Variants in SPSB1 observed in about 807,000 individuals in gnomAD.
SPSB1 encodes the protein splA/ryanodine receptor domain and SOCS box containing 1.
SPSB1 carries 8 observed loss-of-function variants against 21.2 expected under a neutral mutation model. That is an observed-to-expected ratio of 0.38 (90% CI 0.22 to 0.68). The LOEUF is 0.68. Among genes scored for constraint, SPSB1 ranks in the 30% least tolerant of loss-of-function variants. The pLI is 0.53. For missense variants in SPSB1, 242 were observed against 377.8 expected, an observed-to-expected ratio of 0.64 and a Z score of 2.98; for synonymous variants, 169 against 161.7, an observed-to-expected ratio of 1.05 and a Z score of -0.34.
At chr1:9,341,765 C>CGAGA (rs1640094893) in intron 1 of SPSB1, among the ~76,000 whole-genome samples, 1 of 152,108 alleles carries the variant, frequency 6.6e-6, no homozygotes, top group Non-Finnish European at 1.5e-5. Context: ...TACAATAGCG[C>CGAGA]GATCTCGTCT....
In SPSB1 at chr1:9,345,425, G is replaced by A. The variant is rs115629115; in HGVS notation, c.-149-10318G>A. Among the ~76,000 whole-genome samples, 874 of 152,274 alleles carry A rather than the reference G, an allele frequency of 5.7e-3. 3 individuals are homozygous for A. Among genetic ancestry groups the A allele is most frequent in the African/African-American group, 9.2e-3 (384 of 41,552 alleles). On this transcript the variant is annotated intron_variant, in intron 1 of 2. Coordinates refer to ENST00000328089, the MANE Select transcript of SPSB1 (RefSeq NM_025106.4). The surrounding 1 kb of genome is among the most constrained non-coding windows in gnomAD (Gnocchi z 4.8). ...TTACCCGCCGAGGCTAGGCAGTGTC[G>A]GTGGTCCATAGTCCACGTTTTATTC...
At chr1:9,306,737 G>A (rs919464738) in intron 1 of SPSB1, among the ~76,000 whole-genome samples, 1 of 152,118 alleles carries the variant, frequency 6.6e-6, no homozygotes, top group Non-Finnish European at 1.5e-5. Context: ...CAGAGTGAAT[G>A]TCACTGTGGC....
At chr1:9,299,562 C>A (rs1416777246) in intron 1 of SPSB1, among the ~76,000 whole-genome samples, 1 of 151,250 alleles carries the variant, frequency 6.6e-6, no homozygotes. Context: ...TCACTGCAAC[C>A]TCCGCCTCCC....
Position 9,348,886 on chromosome 1 carries a change from G to T in SPSB1, c.-149-6857G>T, listed in dbSNP as rs368684339. The stretch of plus-strand genomic sequence containing the variant: ...GCTGCTCTGGAAACACTGGGTTGAG[G>T]GCTTTTGCCGTCAAAGGATGTAAGG... On this transcript the variant is annotated intron_variant, in intron 1 of 2. Coordinates refer to ENST00000328089, the MANE Select transcript of SPSB1 (RefSeq NM_025106.4). The surrounding 1 kb of genome is among the most constrained non-coding windows in gnomAD (Gnocchi z 4.8). Among the ~76,000 whole-genome samples, 4 of 152,198 alleles carry T rather than the reference G, an allele frequency of 2.6e-5. No homozygotes were observed. In the East Asian group the frequency reaches 5.8e-4, roughly 22 times the overall value.
intron 1 of SPSB1, among the ~76,000 whole-genome samples, chr1:9,342,949 C>G (rs1199463845): frequency 6.6e-6 from 1 of 152,222 alleles, no homozygotes; most frequent in Non-Finnish European, 1.5e-5. Flanking sequence ...AGCCAGGTCT[C>G]TGTAAGTTCT....
At chr1:9,327,547 C>T (rs981645234) in intron 1 of SPSB1, among the ~76,000 whole-genome samples, 1 of 151,958 alleles carries the variant, frequency 6.6e-6, no homozygotes, top group African/African-American at 2.4e-5. Flanking sequence ...GCTGGGCAGA[C>T]AGCAGGATCT....
In SPSB1 at chr1:9,317,626, C is replaced by T. The variant is rs755953992; in HGVS notation, c.-150+24555C>T. ...CTGGGACCTCAGGTATGCACTACCA[C>T]GCCCAGATATATATATATTTTTGTA... is the stretch of plus-strand genomic sequence containing the variant. On this transcript the variant is annotated intron_variant, in intron 1 of 2. Transcript: ENST00000328089. The surrounding 1 kb of genome is among the most constrained non-coding windows in gnomAD (Gnocchi z 4.3). 6.6e-5 allele frequency among the ~76,000 whole-genome samples: 10 copies of T among 152,080 alleles called. No individual in the cohort carries two copies. The highest frequency in any genetic ancestry group is 1.4e-4 in the African/African-American group (6 of 41,390).
rs77770568 is a variant in SPSB1, at chr1:9,297,369, T to C, written c.-150+4298T>C. ...ATAGGATTCCAGGGTTGGAAAAACC[T>C]ACCTGTGACAAGGGCTTGACGGGTG... On this transcript the variant is annotated intron_variant, in intron 1 of 2. Transcript: ENST00000328089. Among the ~76,000 whole-genome samples, 497 of 152,266 alleles carry C rather than the reference T, an allele frequency of 3.3e-3. 15 individuals carry two copies. The East Asian group carries it at 0.082, about 25-fold the overall frequency.
At position 9,355,884 on chromosome 1, in the gene SPSB1, G is replaced by T; in HGVS notation, c.-8G>T. The T allele has an allele frequency of 6.5e-7, 1 of 1,540,352 alleles. No individual in the cohort carries two copies. Among genetic ancestry groups the T allele is most frequent in the Non-Finnish European group, 8.8e-7 (1 of 1,142,088 alleles). On this transcript the variant is annotated 5_prime_UTR_variant, in exon 2 of 3. Transcript: ENST00000328089. ...GGAGTCGGTAAGAAGGTGAAGCCAG[G>T]GGCGAACATGGGTCAGAAGGTCACT...
intron 1 of SPSB1, among the ~76,000 whole-genome samples, chr1:9,322,835 G>A (rs1482547331): frequency 1.3e-5 from 2 of 152,058 alleles, no homozygotes; most frequent in South Asian, 2.1e-4. Flanking sequence ...GGGAAGCGCT[G>A]CGTTAGGTCA....
At chr1:9,338,532 C>T (rs1474283119) in intron 1 of SPSB1, among the ~76,000 whole-genome samples, 2 of 152,266 alleles carry the variant, frequency 1.3e-5, no homozygotes, top group Non-Finnish European at 2.9e-5. Context: ...TTGCCAGCTC[C>T]GGCCTCGCCC....
Position 9,367,763 on chromosome 1 carries a change from T to C in SPSB1, c.*188T>C, listed in dbSNP as rs1021722613. On this transcript the variant is annotated 3_prime_UTR_variant, in exon 3 of 3. Coordinates refer to ENST00000328089, the MANE Select transcript of SPSB1 (RefSeq NM_025106.4). The surrounding 1 kb of genome is among the most constrained non-coding windows in gnomAD (Gnocchi z 5.9). The stretch of plus-strand genomic sequence containing the variant: ...ACCGATTCCAACACAGGCTCCTCTT[T>C]CCCCCTTCCCGACATCAGCAGAAGG... 5.9e-6 allele frequency: 5 copies of C among 848,438 alleles called. No homozygotes were observed. The African/African-American group carries it at 8.6e-5, about 15-fold the overall frequency. The allele number at this position is 848,438 out of a possible 1,614,324, so 52.6% of individuals were successfully genotyped here.
At chr1:9,320,769 G>C (rs1323691823) in intron 1 of SPSB1, among the ~76,000 whole-genome samples, 1 of 152,240 alleles carries the variant, frequency 6.6e-6, no homozygotes, top group Non-Finnish European at 1.5e-5. Flanking sequence ...TGCCTGGAGG[G>C]TGACTCCGTG....
At chr1:9,331,859 G>A (rs1639926570) in intron 1 of SPSB1, among the ~76,000 whole-genome samples, 1 of 152,160 alleles carries the variant, frequency 6.6e-6, no homozygotes, top group Non-Finnish European at 1.5e-5. Context: ...GTCTCCATGG[G>A]AGGTTGAGCT....
chr1:9,344,439 G>A (rs759945527), intron 1 of SPSB1, among the ~76,000 whole-genome samples: 13 of 152,126 alleles, frequency 8.5e-5, no homozygotes, highest in Non-Finnish European at 1.6e-4. Flanking sequence ...TGACGGGACC[G>A]AGCAACTTGG....
chr1:9,345,318 G>A lies in SPSB1; in HGVS notation c.-149-10425G>A, dbSNP rs1175302620. On this transcript the variant is annotated intron_variant, in intron 1 of 2. Coordinates refer to ENST00000328089, the MANE Select transcript of SPSB1 (RefSeq NM_025106.4). The surrounding 1 kb of genome is among the most constrained non-coding windows in gnomAD (Gnocchi z 4.8). ...TGGCTCTTTTCTTGGAGATGGCCGT[G>A]GGGCTGCTTTTGGGCCTGCCTTTCT... Among the ~76,000 whole-genome samples the A allele has an allele frequency of 6.6e-6, 1 of 152,170 alleles. No individual in the cohort carries two copies. Among genetic ancestry groups the A allele is most frequent in the Non-Finnish European group, 1.5e-5 (1 of 68,022 alleles).
intron 1 of SPSB1, among the ~76,000 whole-genome samples, chr1:9,349,660 C>T (rs552407199): frequency 1.8e-4 from 28 of 152,350 alleles, no homozygotes; most frequent in Admixed American, 9.1e-4. Context: ...ACACACAATC[C>T]GCCACCAGCA....
At chr1:9,297,078 A>G (rs1256683209) in intron 1 of SPSB1, among the ~76,000 whole-genome samples, 2 of 152,202 alleles carry the variant, frequency 1.3e-5, no homozygotes, top group African/African-American at 2.4e-5. Flanking sequence ...GACCTTGTGC[A>G]ATGCAGGCAT....
chr1:9,296,604 A>ACAAACG (rs376771202), intron 1 of SPSB1, among the ~76,000 whole-genome samples: 2 of 152,238 alleles, frequency 1.3e-5, no homozygotes, highest in Non-Finnish European at 2.9e-5. Context: ...ACACACATAC[A>ACAAACG]TATGCACACA....
Sources: allele counts gnomAD v4.1 joint callset (sites outside exome capture counted in the v4.1 genomes callset), GRCh38; gene constraint gnomAD v4.1.1; non-coding constraint Gnocchi (gnomAD v3.1); transcripts MANE v1.5; gene names NCBI Gene and HGNC (gene_info 2026-07-23, HGNC 2026-07-21).